LHFPL3: variants seen among roughly 807,000 people sequenced by gnomAD.
LHFPL3 encodes LHFPL tetraspan subfamily member 3.
LHFPL3 carries 5 observed loss-of-function variants against 19.3 expected under a neutral mutation model. That is an observed-to-expected ratio of 0.26 (90% CI 0.14 to 0.54). The LOEUF (loss-of-function observed/expected upper bound fraction) is 0.54. Among genes scored for constraint, LHFPL3 ranks in the 20% least tolerant of loss-of-function variants. The pLI, the probability that LHFPL3 is intolerant of heterozygous loss-of-function variation, is 0.94. For synonymous variants in LHFPL3, 133 were observed against 126.2 expected (o/e 1.05, Z -0.36); for missense variants, 249 against 307.4 (o/e 0.81, Z 1.42).
chr7:104,416,625 A>T (rs1268807957), intron 1 of LHFPL3, among the ~76,000 whole-genome samples: 1 of 152,250 alleles, frequency 6.6e-6, no homozygotes, highest in Non-Finnish European at 1.5e-5. Flanking sequence ...AAAACTGATA[A>T]AGAATGGAAT....
chr7:104,734,540 T>A (rs1205063892), intron 1 of LHFPL3, among the ~76,000 whole-genome samples: 1 of 152,270 alleles, frequency 6.6e-6, no homozygotes, highest in Non-Finnish European at 1.5e-5. Context: ...ATTCGTCACA[T>A]AGTTCTTGTG....
At chr7:104,427,405 C>T (rs191988924) in intron 1 of LHFPL3, among the ~76,000 whole-genome samples, 20 of 152,302 alleles carry the variant, frequency 1.3e-4, no homozygotes, top group South Asian at 1.0e-3. Context: ...TAGAGCTTCC[C>T]TTATACATCC....
chr7:104,806,323 C>T (rs193016389), intron 2 of LHFPL3, among the ~76,000 whole-genome samples: 191 of 152,280 alleles, frequency 1.3e-3, no homozygotes, highest in African/African-American at 4.4e-3. Context: ...ATTATTAATT[C>T]AAGATAAAAC....
At chr7:104,494,306 C>A (rs1283941590) in intron 1 of LHFPL3, among the ~76,000 whole-genome samples, 1 of 152,202 alleles carries the variant, frequency 6.6e-6, no homozygotes, top group East Asian at 1.9e-4. Flanking sequence ...CTGGTGCCAA[C>A]CTATATTTTC....
chr7:104,454,503 G>A (rs1792503380), intron 1 of LHFPL3, among the ~76,000 whole-genome samples: 1 of 152,206 alleles, frequency 6.6e-6, no homozygotes, highest in Non-Finnish European at 1.5e-5. Flanking sequence ...GGAGTACCTA[G>A]AGGTAATATG....
intron 2 of LHFPL3, among the ~76,000 whole-genome samples, chr7:104,872,145 T>A (rs1226198653): frequency 6.6e-6 from 1 of 150,850 alleles, no homozygotes; most frequent in Non-Finnish European, 1.5e-5. Flanking sequence ...GAGACCAGCC[T>A]GGCCAATATG....
intron 2 of LHFPL3, among the ~76,000 whole-genome samples, chr7:104,819,968 A>G (rs1228918224): frequency 6.6e-6 from 1 of 152,166 alleles, no homozygotes; most frequent in East Asian, 1.9e-4. Flanking sequence ...GCCGATTGTG[A>G]TCTCTTTTTT....
At chr7:104,390,389 C>G (rs1384354488) in intron 1 of LHFPL3, among the ~76,000 whole-genome samples, 4 of 151,740 alleles carry the variant, frequency 2.6e-5, no homozygotes, top group Non-Finnish European at 5.9e-5. Flanking sequence ...AACCTGTGTC[C>G]AAGTGTTCTC....
At chr7:104,884,842 GC>G (rs1373244365) in intron 2 of LHFPL3, among the ~76,000 whole-genome samples, 3 of 152,140 alleles carry the variant, frequency 2.0e-5, no homozygotes, top group Non-Finnish European at 2.9e-5. Context: ...TAACTTAACA[GC>G]CCAGGCCTCC....
At chr7:104,845,874 G>A (rs1791303627) in intron 2 of LHFPL3, among the ~76,000 whole-genome samples, 2 of 152,216 alleles carry the variant, frequency 1.3e-5, no homozygotes, top group African/African-American at 2.4e-5. Context: ...GGTGGATTAC[G>A]GCTGTGGGCG....
chr7:104,500,792 C>G (rs1036144777), intron 1 of LHFPL3, among the ~76,000 whole-genome samples: 1 of 152,204 alleles, frequency 6.6e-6, no homozygotes, highest in Non-Finnish European at 1.5e-5. Flanking sequence ...CCTTTGTGTT[C>G]AGATGTGATT....
At chr7:104,603,260 A>G (rs190486553) in intron 1 of LHFPL3, among the ~76,000 whole-genome samples, 43 of 151,244 alleles carry the variant, frequency 2.8e-4, no homozygotes, top group Middle Eastern at 3.4e-3. Context: ...CAGTGACACA[A>G]TCACAGCTCA....
chr7:104,870,611 C>T lies in LHFPL3; in HGVS notation c.683-35576C>T, dbSNP rs1291653457. On this transcript the variant is annotated intron_variant, in intron 2 of 2. Transcript: ENST00000424859. ...CAGGTGGAGACAACAGATTGGAAAA[C>T]TTTCCCACCCAAAAAGTTAAGGCAG... is the stretch of plus-strand genomic sequence containing the variant. 3.3e-5 allele frequency among the ~76,000 whole-genome samples: 5 copies of T among 152,164 alleles called. No homozygotes were observed. In the South Asian group the frequency reaches 6.2e-4, roughly 19 times the overall value.
At chr7:104,333,515 A>G (rs914701023) in intron 1 of LHFPL3, among the ~76,000 whole-genome samples, 4 of 152,202 alleles carry the variant, frequency 2.6e-5, no homozygotes, top group Admixed American at 6.5e-5. Context: ...AAGTGCCACC[A>G]AGATGGCAAG....
chr7:104,346,669 A>G (rs1790072951), intron 1 of LHFPL3, among the ~76,000 whole-genome samples: 1 of 106,390 alleles, frequency 9.4e-6, no homozygotes, highest in Non-Finnish European at 1.8e-5. Context: ...AGTGTAGTAG[A>G]TTTCTCTTAG....
intron 1 of LHFPL3, among the ~76,000 whole-genome samples, chr7:104,387,683 A>G (rs554041883): frequency 3.9e-5 from 6 of 152,222 alleles, no homozygotes; most frequent in Admixed American, 2.6e-4. Context: ...CCTAAATTTG[A>G]TGAAAAACAT....
At chr7:104,505,698 T>C (rs1021233955) in intron 1 of LHFPL3, among the ~76,000 whole-genome samples, 1 of 152,240 alleles carries the variant, frequency 6.6e-6, no homozygotes, top group Admixed American at 6.5e-5. Flanking sequence ...TGAATGACTA[T>C]AGTAGAAGAA....
At chr7:104,516,947 A>G (rs751638615) in intron 1 of LHFPL3, among the ~76,000 whole-genome samples, 7 of 152,206 alleles carry the variant, frequency 4.6e-5, no homozygotes, top group East Asian at 3.8e-4. Context: ...CATATACACC[A>G]TGGAATACTA....
chr7:104,328,909 A>G lies in LHFPL3; in HGVS notation c.130A>G (p.Thr44Ala). The change falls in exon 1 of 3, where the codon ACC becomes GCC. Residue 44 changes from threonine to alanine, a missense_variant. Thr to Ala is a moderately conservative substitution (Grantham distance 58, BLOSUM62 0). Coordinates refer to ENST00000424859, the MANE Select transcript of LHFPL3 (RefSeq NM_199000.3). The surrounding 1 kb of genome is among the most constrained non-coding windows in gnomAD (Gnocchi z 4.6). ...RAIGVLWAIF[T>A]ICFAIVNVVC... Reference sequence around the variant, plus strand: ...CATCGGCGTGCTGTGGGCCATCTTCACCATCTGCTTTGCCATCGTCAACGT... The same window carrying G: ...CATCGGCGTGCTGTGGGCCATCTTCGCCATCTGCTTTGCCATCGTCAACGT... The G allele has an allele frequency of 6.2e-7, 1 of 1,614,106 alleles. No homozygotes were observed.
Sources: gnomAD v4.1 joint callset for allele counts (sites outside exome capture counted in the v4.1 genomes callset) on GRCh38, gnomAD v4.1.1 for gene constraint, Gnocchi (gnomAD v3.1) non-coding constraint, MANE v1.5 for transcripts, NCBI Gene and HGNC (gene_info 2026-07-23, HGNC 2026-07-21) for gene names.